ZNG1B: variants seen among roughly 807,000 people sequenced by gnomAD.
ZNG1B encodes zinc-regulated GTPase metalloprotein activator 1B.
At chr2:113,469,411 C>G in the ZNG1B span, 2 of 147,650 alleles carry the variant, frequency 1.4e-5, no homozygotes, top group Non-Finnish European at 3.0e-5. Flanking sequence ...CAAAGTGGAG[C>G]CCCCGTGCCC....
chr2:113,478,277 TTTTA>T, the ZNG1B span, among the ~76,000 whole-genome samples: 1 of 150,330 alleles, frequency 6.7e-6, no homozygotes, highest in Non-Finnish European at 1.5e-5. Flanking sequence ...TTTCTTTTCT[TTTTA>T]TTTATTTATT....
the ZNG1B span, among the ~76,000 whole-genome samples, chr2:113,440,109 C>A: frequency 2.0e-5 from 3 of 151,450 alleles, no homozygotes; most frequent in Non-Finnish European, 4.4e-5. Context: ...TGGTCTCGAT[C>A]TCCTGACCTC....
the ZNG1B span, chr2:113,481,385 C>T: frequency 1.3e-5 from 2 of 151,320 alleles, no homozygotes; most frequent in Admixed American, 6.6e-5. Context: ...GACATTCTCC[C>T]TACTAGGACC....
the ZNG1B span, among the ~76,000 whole-genome samples, chr2:113,472,466 C>T: frequency 7.3e-5 from 11 of 151,718 alleles, no homozygotes; most frequent in Admixed American, 7.2e-4. Flanking sequence ...GTTTCTTTTG[C>T]TGTGCAGAAG....
chr2:113,489,465 C>G, the ZNG1B span, among the ~76,000 whole-genome samples: 2 of 151,892 alleles, frequency 1.3e-5, no homozygotes, highest in Non-Finnish European at 2.9e-5. Context: ...ACCAGAAAAA[C>G]AAGGTATACA....
the ZNG1B span, among the ~76,000 whole-genome samples, chr2:113,471,498 A>G: frequency 4.0e-5 from 6 of 150,936 alleles, no homozygotes; most frequent in African/African-American, 1.5e-4. Context: ...TATTATTATT[A>G]TACCTTAAGT....
chr2:113,445,838 G>A, the ZNG1B span, among the ~76,000 whole-genome samples: 5 of 148,426 alleles, frequency 3.4e-5, no homozygotes, highest in Admixed American at 3.4e-4. Context: ...GCATTGGGGC[G>A]ATTTGTAAAA....
chr2:113,443,050 C>G, the ZNG1B span, among the ~76,000 whole-genome samples: 1 of 150,812 alleles, frequency 6.6e-6, no homozygotes, highest in South Asian at 2.1e-4. Context: ...GTCACTGCAA[C>G]CTCCGCCTCC....
the ZNG1B span, chr2:113,447,416 C>T: frequency 4.4e-6 from 2 of 452,426 alleles, no homozygotes; most frequent in African/African-American, 4.1e-5. Context: ...TCTCAGCTTT[C>T]AGCAAGTCAT....
chr2:113,480,000 G>A, the ZNG1B span, among the ~76,000 whole-genome samples: 2 of 150,334 alleles, frequency 1.3e-5, no homozygotes, highest in African/African-American at 4.9e-5. Context: ...TTTTTATTTT[G>A]GTAGAAGATG....
the ZNG1B span, chr2:113,438,099 C>T: frequency 1.2e-6 from 2 of 1,602,398 alleles, no homozygotes; most frequent in South Asian, 1.1e-5. Flanking sequence ...TGCCTCTTCT[C>T]CTGAGGCATT....
At chr2:113,480,204 T>C in the ZNG1B span, among the ~76,000 whole-genome samples, 5 of 149,470 alleles carry the variant, frequency 3.3e-5, no homozygotes, top group Non-Finnish European at 7.5e-5. Context: ...ATGCAGTGGC[T>C]ATCATGGCTC....
the ZNG1B span, among the ~76,000 whole-genome samples, chr2:113,441,183 C>T: frequency 4.6e-5 from 7 of 152,094 alleles, no homozygotes; most frequent in Non-Finnish European, 8.8e-5. Flanking sequence ...AAGTATTTTG[C>T]AACAGGTTTC....
chr2:113,478,897 T>C, the ZNG1B span, among the ~76,000 whole-genome samples: 1 of 150,734 alleles, frequency 6.6e-6, no homozygotes, highest in African/African-American at 2.4e-5. Flanking sequence ...GTTTGGAAAC[T>C]GAAGCTCAGA....
chr2:113,456,953 T>C, the ZNG1B span: 11 of 449,202 alleles, frequency 2.4e-5, no homozygotes, highest in African/African-American at 2.0e-4. Context: ...TGAGAAATGG[T>C]ACCCTGTGGC....
the ZNG1B span, chr2:113,437,709 C>T: frequency 1.5e-5 from 23 of 1,512,548 alleles, no homozygotes; most frequent in East Asian, 2.1e-4. Context: ...AGGCGCTTCT[C>T]GTCCAGAGCC....
chr2:113,463,818 A>AT, the ZNG1B span, among the ~76,000 whole-genome samples: 2 of 150,966 alleles, frequency 1.3e-5, no homozygotes, highest in African/African-American at 2.4e-5. Flanking sequence ...TTATTATGTA[A>AT]TTTTTTTCTT....
the ZNG1B span, among the ~76,000 whole-genome samples, chr2:113,465,403 G>A: frequency 1.3e-5 from 2 of 152,112 alleles, no homozygotes; most frequent in Non-Finnish European, 2.9e-5. Context: ...TGATAACACT[G>A]TGTAAGTGTT....
chr2:113,438,993 G>T, the ZNG1B span: 8 of 1,085,604 alleles, frequency 7.4e-6, no homozygotes, highest in South Asian at 1.5e-5. Context: ...TTTTATAAAG[G>T]AATTTATTTT....
Sources: gnomAD v4.1 joint callset for allele counts (sites outside exome capture counted in the v4.1 genomes callset) on GRCh38, gnomAD v4.1.1 for gene constraint, MANE v1.5 for transcripts, NCBI Gene and HGNC (gene_info 2026-07-23, HGNC 2026-07-21) for gene names.